The following TULP4 variants were observed in gnomAD, a reference collection of about 807,000 sequenced individuals.
TULP4 encodes tubby-related protein 4.
Under a neutral mutation model 129.0 loss-of-function variants are expected in TULP4, and 16 were observed. The observed-to-expected ratio is 0.12, with a 90% CI of 0.08 to 0.19. The LOEUF is 0.19. TULP4 is among the 10% of genes least tolerant of loss of function. The probability of loss-of-function intolerance (pLI) is 1.00; values close to 1 mark genes in which losing one functional copy is unlikely to be tolerated. For synonymous variants in TULP4, 998 were observed against 854.0 expected (o/e 1.17, Z -2.94); for missense variants, 1,842 against 2,059.1 (o/e 0.89, Z 2.04).
intron 1 of TULP4, among the ~76,000 whole-genome samples, chr6:158,269,161 A>T (rs190803092): frequency 9.2e-5 from 14 of 152,252 alleles, no homozygotes; most frequent in African/African-American, 3.4e-4. Context: ...AGGTTCATAC[A>T]TTGTTTTGTT....
chr6:158,273,845 T>C (rs948659876), intron 1 of TULP4, among the ~76,000 whole-genome samples: 10 of 152,246 alleles, frequency 6.6e-5, no homozygotes, highest in African/African-American at 2.2e-4. Context: ...GTTACAGATA[T>C]TAACTCATTG....
intron 1 of TULP4, among the ~76,000 whole-genome samples, chr6:158,298,325 G>A (rs1779073604): frequency 6.6e-6 from 1 of 152,174 alleles, no homozygotes; most frequent in Non-Finnish European, 1.5e-5. Flanking sequence ...AGGATTAAGA[G>A]ATTAAAGACA....
intron 1 of TULP4, among the ~76,000 whole-genome samples, chr6:158,294,215 T>G (rs1338303246): frequency 6.6e-6 from 1 of 151,888 alleles, no homozygotes; most frequent in Non-Finnish European, 1.5e-5. Flanking sequence ...AATACAAACA[T>G]TAGCTGGGCG....
chr6:158,240,639 G>C lies in TULP4; in HGVS notation n.68+8336G>C, dbSNP rs577101108. 4.6e-5 allele frequency among the ~76,000 whole-genome samples: 5 copies of C among 109,460 alleles called. 2 individuals are homozygous for C. In the Admixed American group the frequency reaches 5.0e-4, roughly 11 times the overall value. 71.8% of individuals were successfully genotyped at this position (109,460 alleles called of 152,430 possible). A position where few individuals can be genotyped will look rare whatever the true frequency, so the allele number is the denominator to read the frequency against. On this transcript the variant is annotated intron_variant and non_coding_transcript_variant, in intron 1 of 1. Coordinates refer to the TULP4 transcript ENST00000620026. Reference sequence around the variant, plus strand: ...CACCTCCCAGACGGGGCGGCTGGCCGGGTGGAGGCTGACCCCCCCACCTCC... The same window carrying C: ...CACCTCCCAGACGGGGCGGCTGGCCCGGTGGAGGCTGACCCCCCCACCTCC...
chr6:158,494,616 G>A (rs1780286801), intron 10 of TULP4, 137 bp from the exon 11 acceptor site: 1 of 753,894 alleles, frequency 1.3e-6, no homozygotes, highest in African/African-American at 1.8e-5. Flanking sequence ...GCAAATGGTA[G>A]ATGAGGTAGG....
intron 1 of TULP4, among the ~76,000 whole-genome samples, chr6:158,258,610 A>G (rs780494380): frequency 1.3e-5 from 2 of 152,214 alleles, no homozygotes; most frequent in Non-Finnish European, 2.9e-5. Context: ...ACAGTTAACA[A>G]ATAGGAAAGG....
intron 1 of TULP4, among the ~76,000 whole-genome samples, chr6:158,374,612 T>A (rs988650349): frequency 6.6e-6 from 1 of 152,234 alleles, no homozygotes; most frequent in African/African-American, 2.4e-5. Flanking sequence ...ACTGTTTTAC[T>A]TCTTAAAGTC....
At chr6:158,456,900 G>A (rs1754416) in intron 5 of TULP4, among the ~76,000 whole-genome samples, 63,174 of 151,186 alleles carry the variant, frequency 0.42, 14,472 homozygotes, top group African/African-American at 0.62. Context: ...TCTGTGCCCC[G>A]ACAGTGCTAT....
chr6:158,272,477 G>A (rs775534971), intron 1 of TULP4, among the ~76,000 whole-genome samples: 5 of 152,118 alleles, frequency 3.3e-5, no homozygotes, highest in Admixed American at 6.5e-5. Context: ...CAGCATCCCA[G>A]GCCAGCCAAG....
At chr6:158,340,955 T>G (rs1780166648) in intron 1 of TULP4, among the ~76,000 whole-genome samples, 3 of 152,108 alleles carry the variant, frequency 2.0e-5, no homozygotes, top group Admixed American at 1.3e-4. Context: ...TTGTGTGTGT[T>G]TTTTTGTTTG....
At chr6:158,390,241 A>G (rs1777553936) in intron 1 of TULP4, among the ~76,000 whole-genome samples, 1 of 152,242 alleles carries the variant, frequency 6.6e-6, no homozygotes, top group African/African-American at 2.4e-5. Context: ...TGGGCAGAAA[A>G]CACAATTATG....
intron 1 of TULP4, among the ~76,000 whole-genome samples, chr6:158,264,043 A>T (rs758150663): frequency 6.6e-6 from 1 of 152,172 alleles, no homozygotes; most frequent in Non-Finnish European, 1.5e-5. Flanking sequence ...AGCCTGGGGG[A>T]TAGAGTGAGA....
chr6:158,406,555 G>A (rs1777981703), intron 1 of TULP4, among the ~76,000 whole-genome samples: 1 of 152,190 alleles, frequency 6.6e-6, no homozygotes, highest in Non-Finnish European at 1.5e-5. Flanking sequence ...CTATTCCACA[G>A]GATTTTGAGG....
At chr6:158,354,394 C>T (rs1050163182) in intron 1 of TULP4, among the ~76,000 whole-genome samples, 2 of 152,132 alleles carry the variant, frequency 1.3e-5, no homozygotes, top group East Asian at 1.9e-4. Context: ...TACATTCTGT[C>T]GTACTCACAG....
chr6:158,351,707 C>CTTTTTTTTTTTTTTT (rs1160814801), intron 1 of TULP4, among the ~76,000 whole-genome samples: 2 of 50,496 alleles, frequency 4.0e-5, no homozygotes, highest in African/African-American at 1.6e-4. Flanking sequence ...TGTTGTTAAA[C>CTTTTTTTTTTTTTTT]TTTTTTTTTT....
chr6:158,291,510 G>T lies in TULP4; in HGVS notation n.116+9132G>T, dbSNP rs182691836. ...GTGCACTTTTACTAAAGTGTGCCCA[G>T]GTGTGGATTTCTTCTTTATTTCTCC... On this transcript the variant is annotated intron_variant and non_coding_transcript_variant, in intron 1 of 1. Transcript: ENST00000432358. 7.4e-4 allele frequency among the ~76,000 whole-genome samples: 112 copies of T among 152,178 alleles called. 1 individual carries two copies. Among genetic ancestry groups the T allele is most frequent in the African/African-American group, 2.6e-3 (110 of 41,518 alleles).
At chr6:158,471,251 G>A (rs760557456) in intron 6 of TULP4, among the ~76,000 whole-genome samples, 28 of 152,300 alleles carry the variant, frequency 1.8e-4, no homozygotes, top group Admixed American at 3.3e-4. Flanking sequence ...AGGAAGATTC[G>A]GCAGGAGTGC....
chr6:158,310,700 AT>A (rs145670552), upstream of TULP4, among the ~76,000 whole-genome samples: 7,947 of 152,180 alleles, frequency 0.052, 271 homozygotes, highest in African/African-American at 0.089. Flanking sequence ...TCAGCATGAG[AT>A]TTGGAGGGGC....
At chr6:158,444,627 G>A (rs1778990062) in intron 3 of TULP4, among the ~76,000 whole-genome samples, 1 of 152,110 alleles carries the variant, frequency 6.6e-6, no homozygotes, top group African/African-American at 2.4e-5. Context: ...GAGATACTGT[G>A]GCTTCCAAAA....
Sources: gnomAD v4.1 joint callset for allele counts (sites outside exome capture counted in the v4.1 genomes callset) on GRCh38, gnomAD v4.1.1 for gene constraint, MANE v1.5 for transcripts, NCBI Gene and HGNC (gene_info 2026-07-23, HGNC 2026-07-21) for gene names.